ZFP64: variants seen among roughly 807,000 people sequenced by gnomAD.
ZFP64 encodes zinc finger protein 64.
ZFP64 carries 14 observed loss-of-function variants against 51.6 expected under a neutral mutation model. That is an observed-to-expected ratio of 0.27 (90% CI 0.18 to 0.42). The LOEUF (loss-of-function observed/expected upper bound fraction) is 0.42. ZFP64 is among the 10% of genes least tolerant of loss of function. The pLI is 1.00. For synonymous variants in ZFP64, 375 were observed against 361.4 expected (o/e 1.04, Z -0.43); for missense variants, 754 against 906.8 (o/e 0.83, Z 2.16).
At chr20:52,142,782 G>C (rs1446782575) in intron 5 of ZFP64, among the ~76,000 whole-genome samples, 4 of 121,316 alleles carry the variant, frequency 3.3e-5, no homozygotes, top group African/African-American at 1.2e-4. Flanking sequence ...GGAGGTTGTA[G>C]TGAGTTGAGA....
chr20:52,122,454 C>T (rs1000493092), intron 5 of ZFP64, among the ~76,000 whole-genome samples: 14 of 147,802 alleles, frequency 9.5e-5, no homozygotes, highest in African/African-American at 3.2e-4. Flanking sequence ...TGCAGTGAGC[C>T]GAGATGGCTC....
At position 52,145,688 on chromosome 20, in the gene ZFP64, G is replaced by A. The variant is rs1980490228; in HGVS notation, c.763+14435C>T. On this transcript the variant is annotated intron_variant, in intron 5 of 8. Transcript: ENST00000361387. ...AGTACAGTAAAAGTATGGTATAAAA[G>A]ATAAAAATATGGTGCACCTGTTTAG... Among the ~76,000 whole-genome samples, 7 of 152,178 alleles carry A rather than the reference G, an allele frequency of 4.6e-5. No homozygotes were observed. In the South Asian group the frequency reaches 8.3e-4, roughly 18 times the overall value.
intron 7 of ZFP64, among the ~76,000 whole-genome samples, chr20:52,095,363 C>G (rs6021702): frequency 6.6e-6 from 1 of 151,996 alleles, no homozygotes; most frequent in African/African-American, 2.4e-5. Flanking sequence ...GGGATGACAA[C>G]GCAAAGCAAC....
rs1978538158 is a variant in ZFP64, at chr20:52,111,034, A to AC, written c.764-12448_764-12447insG. ...CAGGGGAAGGGCGCGCTTGGTGTGCAGGCCGCTGCTGCCATGCGGAGCGGA... is the reference window on the plus strand; with the variant it reads ...CAGGGGAAGGGCGCGCTTGGTGTGCACGGCCGCTGCTGCCATGCGGAGCGGA... On this transcript the variant is annotated intron_variant, in intron 5 of 8. Transcript: ENST00000361387. The AC allele has an allele frequency of 3.2e-5, 45 of 1,414,624 alleles. No homozygotes were observed. In the South Asian group the frequency reaches 5.2e-4, roughly 16 times the overall value. The allele number at this position is 1,414,624 out of a possible 1,614,324, so 87.6% of individuals were successfully genotyped here.
intron 2 of ZFP64, chr20:52,176,029 G>A (rs945923438): frequency 1.8e-5 from 17 of 937,050 alleles, no homozygotes; most frequent in East Asian, 2.3e-4. Flanking sequence ...CCCTGACCAC[G>A]CCCCAGCTCT....
rs1217327992 is a variant in ZFP64, at chr20:52,167,633, T to C, written c.287-1608A>G. On this transcript the variant is annotated intron_variant, in intron 2 of 5. Coordinates refer to ENST00000216923, the MANE Select transcript of ZFP64 (RefSeq NM_018197.3). ...CTTTCTTAGAATGTACTTTGTCATA[T>C]GAAGATTGGGTTTCAAATAAGAAGT... Among the ~76,000 whole-genome samples the C allele has an allele frequency of 2.0e-5, 3 of 151,850 alleles. No homozygotes were observed. In the East Asian group the frequency reaches 5.9e-4, roughly 30 times the overall value.
chr20:52,172,794 T>C (rs1243625117), intron 2 of ZFP64, among the ~76,000 whole-genome samples: 3 of 152,050 alleles, frequency 2.0e-5, no homozygotes, highest in African/African-American at 7.2e-5. Flanking sequence ...TTTAGTGAGA[T>C]CAGACCCTGT....
chr20:52,088,689 T>A, intron 7 of ZFP64: 1 of 1,611,360 alleles, frequency 6.2e-7, no homozygotes. Context: ...TTGGTCAAGA[T>A]GGCTACAAAG....
chr20:52,094,762 T>TA (rs1412390252), intron 7 of ZFP64, among the ~76,000 whole-genome samples: 2 of 149,090 alleles, frequency 1.3e-5, no homozygotes, highest in African/African-American at 2.5e-5. Flanking sequence ...AATAAATAAA[T>TA]AATAAAAAGG....
chr20:52,095,281 A>G (rs953945805), intron 7 of ZFP64, among the ~76,000 whole-genome samples: 1 of 152,106 alleles, frequency 6.6e-6, no homozygotes, highest in Non-Finnish European at 1.5e-5. Flanking sequence ...GGCCAAACAG[A>G]TGAGCTCGAG....
intron 7 of ZFP64, among the ~76,000 whole-genome samples, chr20:52,094,477 C>T (rs866589282): frequency 3.9e-5 from 6 of 152,076 alleles, no homozygotes; most frequent in Admixed American, 6.6e-5. Context: ...CAATATAGGG[C>T]TGGGGGGGAA....
chr20:52,115,359 T>A (rs920208474), intron 5 of ZFP64, among the ~76,000 whole-genome samples: 1 of 151,256 alleles, frequency 6.6e-6, no homozygotes, highest in Non-Finnish European at 1.5e-5. Flanking sequence ...GTGAAATATA[T>A]ATTCACATAA....
At chr20:52,182,946 G>A (rs1005850076) in intron 2 of ZFP64, among the ~76,000 whole-genome samples, 4 of 152,130 alleles carry the variant, frequency 2.6e-5, no homozygotes, top group Admixed American at 2.6e-4. Context: ...ATTTAAATAT[G>A]GGACATGACC....
chr20:52,091,397 A>C (rs1444492444), intron 7 of ZFP64, among the ~76,000 whole-genome samples: 1 of 152,174 alleles, frequency 6.6e-6, no homozygotes, highest in African/African-American at 2.4e-5. Context: ...AATGCTCTGA[A>C]GATACCTAAA....
In ZFP64 at chr20:52,090,368, T is replaced by C. The variant is rs1600685621; in HGVS notation, c.977-1725A>G. Among the ~76,000 whole-genome samples, 4 of 152,242 alleles carry C rather than the reference T, an allele frequency of 2.6e-5. No homozygotes were observed. In the South Asian group the frequency reaches 8.3e-4, roughly 32 times the overall value. Reference sequence around the variant, plus strand: ...CAGTGAGAGGAGAAGATAGTTGATATATGACTTGGTATCACACTTAAACAC... The same window carrying C: ...CAGTGAGAGGAGAAGATAGTTGATACATGACTTGGTATCACACTTAAACAC... On this transcript the variant is annotated intron_variant, in intron 7 of 8. Transcript: ENST00000361387.
At chr20:52,115,197 C>CA (rs11484315) in intron 5 of ZFP64, among the ~76,000 whole-genome samples, 36,778 of 89,710 alleles carry the variant, frequency 0.41, 7,185 homozygotes, top group Admixed American at 0.48. Flanking sequence ...GAGTGAGTCT[C>CA]AAAAAAAAAA....
rs777732346 is a variant in ZFP64, at chr20:52,084,933, C to T, written c.1562G>A (p.Arg521His). 8.1e-6 allele frequency: 13 copies of T among 1,613,728 alleles called. No homozygotes were observed. Among genetic ancestry groups the T allele is most frequent in the East Asian group, 2.2e-5 (1 of 44,874 alleles). The stretch of plus-strand genomic sequence containing the variant: ...GCTGCAGAAGTCACACTTGAAGGGA[C>T]GGTCCTTACAGTGGACTCTGCTGTG... The change falls in exon 9 of 9, where the codon CGT becomes CAT. Residue 521 changes from arginine (R) to histidine (H), a missense_variant. Physicochemically the swap from Arg to His is conservative, Grantham distance 29 (BLOSUM62 0). Transcript: ENST00000361387.
At chr20:52,162,263 G>A (rs890645621) in intron 4 of ZFP64, among the ~76,000 whole-genome samples, 6 of 151,060 alleles carry the variant, frequency 4.0e-5, no homozygotes, top group South Asian at 2.1e-4. Context: ...GTGCCACTGC[G>A]CTACAGCCTG....
intron 4 of ZFP64, 23 bp downstream of exon 4, chr20:52,164,672 T>TG: frequency 6.2e-7 from 1 of 1,609,266 alleles, no homozygotes; most frequent in Non-Finnish European, 8.5e-7. Flanking sequence ...TGAGGGCATA[T>TG]GCGCTAAAGA....
Sources: gnomAD v4.1 joint callset for allele counts (sites outside exome capture counted in the v4.1 genomes callset) on GRCh38, gnomAD v4.1.1 for gene constraint, MANE v1.5 for transcripts, NCBI Gene and HGNC (gene_info 2026-07-23, HGNC 2026-07-21) for gene names.